The following GRM7 variants were observed in gnomAD, a reference collection of about 807,000 sequenced individuals.
The protein encoded by GRM7 is metabotropic glutamate receptor 7.
A neutral mutation model predicts 84.5 loss-of-function variants in GRM7; 35 were observed. The observed-to-expected ratio is 0.41, with a 90% CI of 0.32 to 0.55. GRM7 has a LOEUF of 0.55. Ranked by LOEUF, GRM7 falls within the 20% of genes least tolerant of loss-of-function variation. GRM7 has a pLI of 0.19. For missense variants in GRM7, 1,003 were observed against 1,194.6 expected, an observed-to-expected ratio of 0.84 and a Z score of 2.36; for synonymous variants, 487 against 455.1, an observed-to-expected ratio of 1.07 and a Z score of -0.89.
chr3:6,876,191 C>T (rs891712740), intron 1 of GRM7, among the ~76,000 whole-genome samples: 1 of 151,994 alleles, frequency 6.6e-6, no homozygotes, highest in African/African-American at 2.4e-5. Flanking sequence ...TCGCTTGAAC[C>T]CGGGAGGCAG....
chr3:6,968,949 A>G (rs934356083), intron 1 of GRM7, among the ~76,000 whole-genome samples: 1 of 152,238 alleles, frequency 6.6e-6, no homozygotes, highest in South Asian at 2.1e-4. Context: ...TGTAAAATCT[A>G]CCAAAAATTG....
At chr3:7,539,113 C>T (rs1692721843) in intron 7 of GRM7, among the ~76,000 whole-genome samples, 1 of 152,080 alleles carries the variant, frequency 6.6e-6, no homozygotes, top group Admixed American at 6.5e-5. Flanking sequence ...ATTCTAAATA[C>T]CCAAAGGTAA....
intron 1 of GRM7, among the ~76,000 whole-genome samples, chr3:6,867,004 A>C (rs1376170649): frequency 6.6e-6 from 1 of 152,200 alleles, no homozygotes; most frequent in Non-Finnish European, 1.5e-5. Context: ...TTTCTGTAGC[A>C]TATAGTCAAG....
chr3:7,125,691 C>T (rs1178672982), intron 1 of GRM7, among the ~76,000 whole-genome samples: 1 of 152,190 alleles, frequency 6.6e-6, no homozygotes, highest in African/African-American at 2.4e-5. Flanking sequence ...AGCTTTTCAT[C>T]AGCTTTAGAA....
chr3:6,918,296 C>A (rs180924684), intron 1 of GRM7, among the ~76,000 whole-genome samples: 1 of 152,116 alleles, frequency 6.6e-6, no homozygotes, highest in Non-Finnish European at 1.5e-5. Context: ...CATTTTTACA[C>A]GAGAATTTTT....
At chr3:7,570,471 T>C (rs1373238774) in intron 7 of GRM7, among the ~76,000 whole-genome samples, 1 of 152,138 alleles carries the variant, frequency 6.6e-6, no homozygotes, top group Non-Finnish European at 1.5e-5. Context: ...AAGTCCAAAA[T>C]CCAGCAGGGC....
chr3:7,093,301 T>C (rs1245975680), intron 1 of GRM7, among the ~76,000 whole-genome samples: 1 of 152,006 alleles, frequency 6.6e-6, no homozygotes. Context: ...CAAGTATTAC[T>C]GGCTTCATGA....
intron 4 of GRM7, among the ~76,000 whole-genome samples, chr3:7,404,702 T>G (rs1374311254): frequency 1.3e-5 from 2 of 152,122 alleles, no homozygotes; most frequent in African/African-American, 4.8e-5. Context: ...ATACTGTCCC[T>G]TTAAGATCTT....
At chr3:7,157,155 T>G (rs1259285874) in intron 2 of GRM7, among the ~76,000 whole-genome samples, 2 of 152,040 alleles carry the variant, frequency 1.3e-5, no homozygotes, top group East Asian at 3.9e-4. Flanking sequence ...GGCCTTCAAT[T>G]CTGGGCTCCA....
chr3:7,651,224 G>T (rs1007335013), intron 8 of GRM7, among the ~76,000 whole-genome samples: 1 of 152,064 alleles, frequency 6.6e-6, no homozygotes, highest in Non-Finnish European at 1.5e-5. Flanking sequence ...TCCTGGAAAA[G>T]AATTAAAGCC....
chr3:6,953,216 G>A (rs1386216916), intron 1 of GRM7, among the ~76,000 whole-genome samples: 1 of 152,064 alleles, frequency 6.6e-6, no homozygotes, highest in Non-Finnish European at 1.5e-5. Context: ...AGAATTTTTT[G>A]TTTTGTTTTT....
At chr3:7,146,945 G>T (rs1158804943) in intron 2 of GRM7, among the ~76,000 whole-genome samples, 1 of 152,156 alleles carries the variant, frequency 6.6e-6, no homozygotes, top group Non-Finnish European at 1.5e-5. Context: ...TAATAGGATA[G>T]ATTCTAGCCT....
At chr3:7,678,402 C>G (rs1244826066) in intron 8 of GRM7, among the ~76,000 whole-genome samples, 1 of 152,080 alleles carries the variant, frequency 6.6e-6, no homozygotes, top group Non-Finnish European at 1.5e-5. Context: ...CATCCTTTTC[C>G]TTTTTGAACT....
intron 1 of GRM7, among the ~76,000 whole-genome samples, chr3:7,080,240 C>A (rs1698233710): frequency 6.6e-6 from 1 of 152,020 alleles, no homozygotes; most frequent in South Asian, 2.1e-4. Flanking sequence ...AAGTCTCAAT[C>A]TTATTACTAA....
At chr3:7,566,904 C>T (rs747830990) in intron 7 of GRM7, among the ~76,000 whole-genome samples, 6 of 152,286 alleles carry the variant, frequency 3.9e-5, no homozygotes, top group Non-Finnish European at 8.8e-5. Context: ...TTGTGGCCAA[C>T]TATTCAATTT....
intron 7 of GRM7, among the ~76,000 whole-genome samples, chr3:7,462,057 A>G (rs1698271180): frequency 6.6e-6 from 1 of 151,786 alleles, no homozygotes. Flanking sequence ...GCCTCCCCCC[A>G]TTCCTTCCTT....
intron 8 of GRM7, among the ~76,000 whole-genome samples, chr3:7,655,283 G>C (rs573858554): frequency 1.3e-5 from 2 of 152,312 alleles, no homozygotes; most frequent in South Asian, 4.1e-4. Context: ...TTCAAAGCTA[G>C]AAAGAGCAAC....
At chr3:7,250,852 C>G (rs1697958703) in intron 2 of GRM7, among the ~76,000 whole-genome samples, 3 of 152,104 alleles carry the variant, frequency 2.0e-5, no homozygotes, top group Admixed American at 2.0e-4. Context: ...TAATGGCCAA[C>G]TGGTGAGATT....
intron 1 of GRM7, among the ~76,000 whole-genome samples, chr3:6,991,084 A>G (rs942371992): frequency 6.6e-6 from 1 of 152,122 alleles, no homozygotes; most frequent in Non-Finnish European, 1.5e-5. Flanking sequence ...ATACATACAT[A>G]CATACATACA....
Sources: allele counts gnomAD v4.1 joint callset (sites outside exome capture counted in the v4.1 genomes callset), GRCh38; gene constraint gnomAD v4.1.1; transcripts MANE v1.5; gene names NCBI Gene and HGNC (gene_info 2026-07-23, HGNC 2026-07-21).